The following ABLIM2 variants were observed in gnomAD, a reference collection of about 807,000 sequenced individuals.
ABLIM2 encodes the protein actin-binding LIM protein 2.
ABLIM2 carries 53 observed loss-of-function variants against 97.7 expected under a neutral mutation model. That is an observed-to-expected ratio of 0.54 (90% confidence interval 0.44 to 0.68). The LOEUF is 0.68. ABLIM2 is among the 30% of genes least tolerant of loss of function. The probability of loss-of-function intolerance (pLI) is 0.00; values close to 1 mark genes in which losing one functional copy is unlikely to be tolerated. For missense variants in ABLIM2, 835 were observed against 867.2 expected, an observed-to-expected ratio of 0.96 and a Z score of 0.47; for synonymous variants, 361 against 345.8, an observed-to-expected ratio of 1.04 and a Z score of -0.49.
At chr4:8,031,501 C>T (rs902835315) in intron 10 of ABLIM2, among the ~76,000 whole-genome samples, 27 of 152,196 alleles carry the variant, frequency 1.8e-4, no homozygotes, top group African/African-American at 6.3e-4. Flanking sequence ...GTACCATGGC[C>T]GTCACAGCTC....
In ABLIM2 at chr4:8,012,194, T is replaced by C. The variant is rs560773272; in HGVS notation, c.1424-3092A>G. Among the ~76,000 whole-genome samples, 12 of 146,840 alleles carry C rather than the reference T, an allele frequency of 8.2e-5. 1 individual carries two copies. In the East Asian group the frequency reaches 2.3e-3, roughly 29 times the overall value. ...TCATCTAACTACTCATCCATCCATC[T>C]ACCCATTCACCCGCCTATACATCCA... is the stretch of plus-strand genomic sequence containing the variant. On this transcript the variant is annotated intron_variant, in intron 14 of 20. Transcript: ENST00000447017.
chr4:8,105,075 C>T (rs1561441865), intron 2 of ABLIM2, among the ~76,000 whole-genome samples: 1 of 152,204 alleles, frequency 6.6e-6, no homozygotes, highest in Non-Finnish European at 1.5e-5. Flanking sequence ...GCTCCTCGCG[C>T]TTCCAGACCT....
At chr4:8,152,131 T>C (rs1177390680) in intron 1 of ABLIM2, among the ~76,000 whole-genome samples, 1 of 152,066 alleles carries the variant, frequency 6.6e-6, no homozygotes, top group Non-Finnish European at 1.5e-5. Context: ...AGCGCCATCA[T>C]GATGCCCCCA....
intron 1 of ABLIM2, among the ~76,000 whole-genome samples, chr4:8,119,836 A>C (rs551188341): frequency 1.3e-5 from 2 of 152,254 alleles, no homozygotes; most frequent in South Asian, 4.1e-4. Flanking sequence ...CTGAAACTCC[A>C]CTAGCCCTGA....
At chr4:8,026,170 C>T (rs1298605213) in intron 12 of ABLIM2, among the ~76,000 whole-genome samples, 3 of 152,174 alleles carry the variant, frequency 2.0e-5, no homozygotes, top group Non-Finnish European at 2.9e-5. Context: ...CCATGCCCGG[C>T]GTTTTTCTTT....
At chr4:8,020,643 C>T (rs1772988383) in intron 12 of ABLIM2, 1 of 348,174 alleles carries the variant, frequency 2.9e-6, no homozygotes. Flanking sequence ...ATCCAACCAA[C>T]TGCAAATTCG....
At chr4:8,037,327 C>T (rs1004780303) in intron 9 of ABLIM2, among the ~76,000 whole-genome samples, 1 of 126,254 alleles carries the variant, frequency 7.9e-6, no homozygotes. Flanking sequence ...CGCACACATG[C>T]ACACACATGC....
At position 7,998,626 on chromosome 4, in the gene ABLIM2, T is replaced by C. The variant is rs1560505162; in HGVS notation, c.1619-5699A>G. 1 of 505,504 alleles carries C rather than the reference T, an allele frequency of 2.0e-6. No individual in the cohort carries two copies. Among genetic ancestry groups the C allele is most frequent in the African/African-American group, 1.9e-5 (1 of 51,766 alleles). 31.3% of individuals were successfully genotyped at this position (505,504 alleles called of 1,614,324 possible). A position where few individuals can be genotyped will look rare whatever the true frequency, so the allele number is the denominator to read the frequency against. ...TGCTGGCCACCTGCCCATCTGCTAG[T>C]GTGGCTGCAGGAGGAAAACACCTGC... On this transcript the variant is annotated intron_variant, in intron 16 of 20. Transcript: ENST00000447017. The surrounding 1 kb of genome is among the most constrained non-coding windows in gnomAD (Gnocchi z 6.4).
At position 8,087,749 on chromosome 4, in the gene ABLIM2, G is replaced by A. The variant is rs527979818; in HGVS notation, c.454+420C>T. Reference sequence around the variant, plus strand: ...GACATTAGATGGGAAAGCAGCAGTGGGCATTAGATGGGAAAGCAGCAGTGG... The same window carrying A: ...GACATTAGATGGGAAAGCAGCAGTGAGCATTAGATGGGAAAGCAGCAGTGG... On this transcript the variant is annotated intron_variant, in intron 4 of 20. Coordinates refer to ENST00000447017, the MANE Select transcript of ABLIM2 (RefSeq NM_001130083.2). The surrounding 1 kb of genome is among the most constrained non-coding windows in gnomAD (Gnocchi z 4.6). Among the ~76,000 whole-genome samples, 14 of 151,866 alleles carry A rather than the reference G, an allele frequency of 9.2e-5. No homozygotes were observed. Among genetic ancestry groups the A allele is most frequent in the African/African-American group, 2.9e-4 (12 of 41,446 alleles).
At chr4:8,045,126 C>T (rs758137484) in intron 9 of ABLIM2, 38 bp downstream of exon 9, 1 of 1,591,220 alleles carries the variant, frequency 6.3e-7, no homozygotes, top group South Asian at 1.1e-5. Flanking sequence ...CTCTCTCCAC[C>T]CTCCCACCGC....
intron 8 of ABLIM2, among the ~76,000 whole-genome samples, chr4:8,050,915 C>A (rs1795588807): frequency 6.6e-6 from 1 of 152,268 alleles, no homozygotes; most frequent in Non-Finnish European, 1.5e-5. Context: ...TCAAAAGCAA[C>A]TTCAAACAGA....
intron 1 of ABLIM2, among the ~76,000 whole-genome samples, chr4:8,141,492 C>A (rs926381233): frequency 6.6e-6 from 1 of 152,204 alleles, no homozygotes; most frequent in Non-Finnish European, 1.5e-5. Flanking sequence ...TTGAATAATT[C>A]AACTTCCATA....
At chr4:8,073,653 C>T (rs1813897428) in intron 6 of ABLIM2, among the ~76,000 whole-genome samples, 1 of 152,194 alleles carries the variant, frequency 6.6e-6, no homozygotes, top group Admixed American at 6.5e-5. Flanking sequence ...ATATGATCGC[C>T]ACCCAGGAAA....
At chr4:8,016,796 C>T (rs897075165) in intron 14 of ABLIM2, among the ~76,000 whole-genome samples, 1 of 152,208 alleles carries the variant, frequency 6.6e-6, no homozygotes, top group Non-Finnish European at 1.5e-5. Flanking sequence ...GGCGTCTCTA[C>T]CAATGAACGG....
At position 8,033,529 on chromosome 4, in the gene ABLIM2, C is replaced by T. The variant is rs1012348136; in HGVS notation, c.1047+2620G>A. ...ACACACCTGACCCAGGAGCCCAGCC[C>T]TGTCCACCTGCCGAGGCAGGCCCCA... is the stretch of plus-strand genomic sequence containing the variant. On this transcript the variant is annotated intron_variant, in intron 10 of 20. Coordinates refer to ENST00000447017, the MANE Select transcript of ABLIM2 (RefSeq NM_001130083.2). The surrounding 1 kb of genome is among the most constrained non-coding windows in gnomAD (Gnocchi z 4.5). 4.6e-5 allele frequency among the ~76,000 whole-genome samples: 7 copies of T among 152,226 alleles called. No homozygotes were observed. The highest frequency in any genetic ancestry group is 1.7e-4 in the African/African-American group (7 of 41,456).
At chr4:8,042,291 C>A (rs1789214051) in intron 9 of ABLIM2, among the ~76,000 whole-genome samples, 1 of 152,188 alleles carries the variant, frequency 6.6e-6, no homozygotes, top group Admixed American at 6.5e-5. Context: ...GCCATGAAGC[C>A]TAGAAACATG....
At position 8,097,276 on chromosome 4, in the gene ABLIM2, C is replaced by T; in HGVS notation, c.161G>A (p.Gly54Asp). Reference protein sequence around the residue: ...HIKCFVCKACGCDLAEGGFFV... With the variant: ...HIKCFVCKACDCDLAEGGFFV... ...GAAGCCGCCCTCGGCCAGGTCGCAG[C>T]CACATGCTGGGGGAGGACGGGCGAG... Residue 54 changes from glycine to aspartate, a missense_variant, in exon 3 of 21, where the codon GGC becomes GAC. Gly to Asp is a moderately conservative substitution (Grantham distance 94). Coordinates refer to ENST00000447017, the MANE Select transcript of ABLIM2 (RefSeq NM_001130083.2). 1 of 1,560,778 alleles carries T rather than the reference C, an allele frequency of 6.4e-7. No homozygotes were observed. Among genetic ancestry groups the T allele is most frequent in the Non-Finnish European group, 8.7e-7 (1 of 1,153,276 alleles).
chr4:7,990,775 T>C (rs1473353187), intron 17 of ABLIM2, among the ~76,000 whole-genome samples: 2 of 152,116 alleles, frequency 1.3e-5, no homozygotes, highest in African/African-American at 4.8e-5. Flanking sequence ...TGAAAAAGGC[T>C]GGTCATGTGA....
Position 8,033,166 on chromosome 4 carries a change from G to A in ABLIM2, c.1047+2983C>T, listed in dbSNP as rs564878811. 6.6e-5 allele frequency among the ~76,000 whole-genome samples: 10 copies of A among 152,330 alleles called. No individual in the cohort carries two copies. In the East Asian group the frequency reaches 1.2e-3, roughly 18 times the overall value. The stretch of plus-strand genomic sequence containing the variant: ...GGGGCCCTAGACAGCAGGCTGACCC[G>A]TCTTCCCAGGCTGGCACCCCATCCA... On this transcript the variant is annotated intron_variant, in intron 10 of 20. Coordinates refer to ENST00000447017, the MANE Select transcript of ABLIM2 (RefSeq NM_001130083.2). The surrounding 1 kb of genome is among the most constrained non-coding windows in gnomAD (Gnocchi z 4.5).
Sources: gnomAD v4.1 joint callset for allele counts (sites outside exome capture counted in the v4.1 genomes callset) on GRCh38, gnomAD v4.1.1 for gene constraint, Gnocchi (gnomAD v3.1) non-coding constraint, MANE v1.5 for transcripts, NCBI Gene and HGNC (gene_info 2026-07-23, HGNC 2026-07-21) for gene names.